The following MTAP variants were observed in gnomAD, a reference collection of about 807,000 sequenced individuals.
MTAP encodes the protein S-methyl-5'-thioadenosine phosphorylase.
A neutral mutation model predicts 33.6 loss-of-function variants in MTAP; 33 were observed. That is an observed-to-expected ratio of 0.98 (90% CI 0.74 to 1.31). MTAP has a LOEUF of 1.31. Ranked by LOEUF, MTAP falls within the 40% of genes most tolerant of loss-of-function variation. The probability of loss-of-function intolerance (pLI) is 0.00; values close to 1 mark genes in which losing one functional copy is unlikely to be tolerated. For synonymous variants in MTAP, 148 were observed against 125.7 expected, an observed-to-expected ratio of 1.18 and a Z score of -1.19; for missense variants, 367 against 360.0, an observed-to-expected ratio of 1.02 and a Z score of -0.16.
At chr9:21,868,986 C>G (rs1251641721), downstream of MTAP, among the ~76,000 whole-genome samples, 1 of 152,138 alleles carries the variant, frequency 6.6e-6, no homozygotes, top group Non-Finnish European at 1.5e-5. Context: ...ATGTTTCTCC[C>G]TGATCATTGT....
intron 1 of MTAP, chr9:21,803,071 G>A (rs1263822547): frequency 1.3e-5 from 10 of 785,808 alleles, no homozygotes; most frequent in African/African-American, 1.2e-4. Context: ...GCACCCTGTA[G>A]GGCGTAGGCA....
intron 1 of MTAP, among the ~76,000 whole-genome samples, chr9:21,926,043 G>C (rs7869195): frequency 0.12 from 18,970 of 152,094 alleles, 3,860 homozygotes; most frequent in African/African-American, 0.43. Flanking sequence ...TTTAGACTAG[G>C]GGCTTAGTTA....
chr9:21,814,663 C>A (rs1354062840), intron 1 of MTAP, among the ~76,000 whole-genome samples: 1 of 152,008 alleles, frequency 6.6e-6, no homozygotes, highest in Non-Finnish European at 1.5e-5. Flanking sequence ...CAAGGACTTT[C>A]AAGATAATCT....
At chr9:21,819,035 A>G (rs1824559716) in intron 4 of MTAP, among the ~76,000 whole-genome samples, 1 of 151,966 alleles carries the variant, frequency 6.6e-6, no homozygotes, top group South Asian at 2.1e-4. Context: ...GGTTTATTTC[A>G]CTTAACATAA....
chr9:21,877,615 T>C (rs779334949), intron 1 of MTAP, among the ~76,000 whole-genome samples: 60 of 152,334 alleles, frequency 3.9e-4, no homozygotes, highest in Non-Finnish European at 8.4e-4. Context: ...ATTGAAGTAA[T>C]AGTGTGGGTT....
At chr9:21,910,319 TA>T (rs557514046) in intron 1 of MTAP, among the ~76,000 whole-genome samples, 19 of 149,122 alleles carry the variant, frequency 1.3e-4, no homozygotes, top group East Asian at 2.0e-4. Flanking sequence ...AAACAATAGC[TA>T]AAAAAAAAGA....
intron 1 of MTAP, among the ~76,000 whole-genome samples, chr9:21,890,781 C>A (rs1178231552): frequency 2.0e-5 from 3 of 152,178 alleles, no homozygotes; most frequent in African/African-American, 7.2e-5. Context: ...ACTTTGGGCA[C>A]TCCCAGTTTT....
Position 21,894,493 on chromosome 9 carries a change from G to C in MTAP, c.148-36515G>C, listed in dbSNP as rs1298477804. Among the ~76,000 whole-genome samples, 6 of 150,534 alleles carry C rather than the reference G, an allele frequency of 4.0e-5. No homozygotes were observed. In the South Asian group the frequency reaches 1.3e-3, roughly 32 times the overall value. On this transcript the variant is annotated intron_variant, in intron 1 of 1. Coordinates refer to the MTAP transcript ENST00000577563. ...CTTCACAAACATGATTTTGTACCTA[G>C]AAGACTCCATAGTGAACACTGCATG... is the stretch of plus-strand genomic sequence containing the variant.
intron 1 of MTAP, chr9:21,893,124 A>C (rs541925925): frequency 6.6e-6 from 1 of 152,354 alleles, no homozygotes; most frequent in Admixed American, 6.5e-5. Flanking sequence ...TGGTGAAAGC[A>C]GTGTTAAGAG....
At chr9:21,917,679 A>G (rs1426100481) in intron 1 of MTAP, among the ~76,000 whole-genome samples, 1 of 152,196 alleles carries the variant, frequency 6.6e-6, no homozygotes, top group Non-Finnish European at 1.5e-5. Context: ...AGAAAGTAAT[A>G]TGCAGATTCC....
At chr9:21,829,550 C>T (rs2118219485) in intron 4 of MTAP, among the ~76,000 whole-genome samples, 1 of 152,098 alleles carries the variant, frequency 6.6e-6, no homozygotes, top group South Asian at 2.1e-4. Context: ...CCCTACACTG[C>T]CCGTGTATTC....
intron 4 of MTAP, among the ~76,000 whole-genome samples, chr9:21,825,210 A>G (rs1377318874): frequency 6.6e-6 from 1 of 152,170 alleles, no homozygotes; most frequent in Non-Finnish European, 1.5e-5. Flanking sequence ...GGAGCTGTAG[A>G]CTGGAGCTGT....
In MTAP at chr9:21,802,790, A is replaced by G. The variant is rs781327646; in HGVS notation, c.33+9A>G. 3 of 1,612,382 alleles carry G rather than the reference A, an allele frequency of 1.9e-6. No individual in the cohort carries two copies. The highest frequency in any genetic ancestry group is 2.5e-6 in the Non-Finnish European group (3 of 1,179,634). On this transcript the variant is annotated intron_variant, in intron 1 of 7. Coordinates refer to ENST00000644715, the MANE Select transcript of MTAP (RefSeq NM_002451.4). ...CCACCACCGCCGTGAAGGTGAGATG[A>G]GCCCTCCCAGCCGCAGCGGTTCGCC...
chr9:21,874,586 C>G (rs1461865727), intron 1 of MTAP, among the ~76,000 whole-genome samples: 1 of 151,948 alleles, frequency 6.6e-6, no homozygotes, highest in East Asian at 1.9e-4. Flanking sequence ...TTCACCCATT[C>G]TGTAGGTTGC....
chr9:21,884,249 T>G (rs866874153), intron 1 of MTAP, among the ~76,000 whole-genome samples: 39 of 152,304 alleles, frequency 2.6e-4, no homozygotes, highest in Non-Finnish European at 4.7e-4. Flanking sequence ...TTGTGTTGGA[T>G]ACACCAACAC....
At chr9:21,810,915 G>T (rs1824329531) in intron 1 of MTAP, among the ~76,000 whole-genome samples, 1 of 152,222 alleles carries the variant, frequency 6.6e-6, no homozygotes, top group Admixed American at 6.5e-5. Flanking sequence ...GCCTGAGACA[G>T]TTGGTTGCTC....
At chr9:21,805,645 T>G (rs1236619354) in intron 1 of MTAP, among the ~76,000 whole-genome samples, 1 of 152,190 alleles carries the variant, frequency 6.6e-6, no homozygotes, top group Non-Finnish European at 1.5e-5. Context: ...GGAGCCCTCA[T>G]GAATGGAAGC....
At chr9:21,881,851 T>C (rs1818016941) in intron 1 of MTAP, among the ~76,000 whole-genome samples, 2 of 151,990 alleles carry the variant, frequency 1.3e-5, no homozygotes, top group African/African-American at 4.8e-5. Flanking sequence ...AAATACCATA[T>C]GATTCAGCAA....
At chr9:21,803,121 C>G (rs1343215788) in intron 1 of MTAP, 1 of 470,102 alleles carries the variant, frequency 2.1e-6, no homozygotes, top group Non-Finnish European at 3.5e-6. Flanking sequence ...AGAGGCTGCA[C>G]CCATGCCACC....
Sources: gnomAD v4.1 joint callset for allele counts (sites outside exome capture counted in the v4.1 genomes callset) on GRCh38, gnomAD v4.1.1 for gene constraint, MANE v1.5 for transcripts, NCBI Gene and HGNC (gene_info 2026-07-23, HGNC 2026-07-21) for gene names.